CCSER1: variants seen among roughly 807,000 people sequenced by gnomAD.
CCSER1 encodes the protein serine-rich coiled-coil domain-containing protein 1.
CCSER1 carries 41 observed loss-of-function variants against 82.0 expected under a neutral mutation model. The observed-to-expected ratio is 0.50, with a 90% CI of 0.39 to 0.65. The LOEUF is 0.65. Ranked by LOEUF, CCSER1 falls within the 30% of genes least tolerant of loss-of-function variation. The probability of loss-of-function intolerance (pLI) is 0.00; values close to 1 mark genes in which losing one functional copy is unlikely to be tolerated. For missense variants in CCSER1, 1,119 were observed against 1,064.2 expected, an observed-to-expected ratio of 1.05 and a Z score of -0.72; for synonymous variants, 414 against 383.9, an observed-to-expected ratio of 1.08 and a Z score of -0.92.
intron 1 of CCSER1, among the ~76,000 whole-genome samples, chr4:90,161,091 T>TA (rs1488391661): frequency 1.3e-5 from 2 of 152,216 alleles, no homozygotes; most frequent in African/African-American, 2.4e-5. Context: ...CCTGTAATGT[T>TA]GTATCCTAAG....
intron 10 of CCSER1, among the ~76,000 whole-genome samples, chr4:91,245,972 A>C (rs1049504465): frequency 6.6e-6 from 1 of 152,224 alleles, no homozygotes; most frequent in Non-Finnish European, 1.5e-5. Flanking sequence ...TTGGGATTAC[A>C]GGTGTGAGCC....
chr4:91,282,094 T>A (rs1410924795), intron 10 of CCSER1, among the ~76,000 whole-genome samples: 3 of 152,166 alleles, frequency 2.0e-5, no homozygotes, highest in African/African-American at 7.2e-5. Context: ...CCTTAAATAA[T>A]GATAACTTTT....
chr4:91,076,766 A>G (rs1180079704), intron 9 of CCSER1, among the ~76,000 whole-genome samples: 1 of 152,220 alleles, frequency 6.6e-6, no homozygotes, highest in African/African-American at 2.4e-5. Context: ...AGAGAAGAGA[A>G]ACAAATGAGA....
intron 5 of CCSER1, among the ~76,000 whole-genome samples, chr4:90,583,703 A>G (rs1293867932): frequency 1.3e-5 from 2 of 152,128 alleles, no homozygotes; most frequent in Non-Finnish European, 2.9e-5. Flanking sequence ...TCAAACGAGA[A>G]TACCTTTTTA....
intron 7 of CCSER1, among the ~76,000 whole-genome samples, chr4:90,782,159 A>C (rs1753864265): frequency 6.6e-6 from 1 of 152,154 alleles, no homozygotes; most frequent in Admixed American, 6.5e-5. Context: ...CTGAATAGTT[A>C]ATTAGAATAC....
At chr4:90,957,519 A>T (rs796659386) in intron 9 of CCSER1, among the ~76,000 whole-genome samples, 1 of 110,614 alleles carries the variant, frequency 9.0e-6, no homozygotes, top group Non-Finnish European at 2.0e-5. Flanking sequence ...AATATAACAT[A>T]ATATCATATA....
chr4:90,905,448 T>A (rs1030575643), intron 8 of CCSER1, among the ~76,000 whole-genome samples: 4 of 151,950 alleles, frequency 2.6e-5, no homozygotes, highest in Admixed American at 1.3e-4. Context: ...CTTTATCCAG[T>A]TTTTCTTTCT....
At chr4:90,164,300 G>A (rs1186553053) in intron 1 of CCSER1, among the ~76,000 whole-genome samples, 1 of 145,898 alleles carries the variant, frequency 6.9e-6, no homozygotes, top group East Asian at 2.0e-4. Flanking sequence ...ACTGTTACTT[G>A]TCTATCGCAG....
At chr4:91,130,547 T>C (rs934289096) in intron 10 of CCSER1, among the ~76,000 whole-genome samples, 2 of 152,010 alleles carry the variant, frequency 1.3e-5, no homozygotes, top group South Asian at 2.1e-4. Context: ...CTCTCTTATA[T>C]AGCCTTTCTT....
At chr4:90,448,721 G>T (rs1277775033) in intron 4 of CCSER1, among the ~76,000 whole-genome samples, 2 of 151,726 alleles carry the variant, frequency 1.3e-5, no homozygotes, top group Non-Finnish European at 2.9e-5. Context: ...AATTATAAAT[G>T]CTCTTTACAA....
intron 10 of CCSER1, among the ~76,000 whole-genome samples, chr4:91,401,349 C>A (rs1752308780): frequency 6.8e-6 from 1 of 147,644 alleles, no homozygotes; most frequent in African/African-American, 2.5e-5. Flanking sequence ...TAATATACTA[C>A]ATTGATATAC....
intron 6 of CCSER1, among the ~76,000 whole-genome samples, chr4:90,681,871 A>AT (rs1447392088): frequency 6.6e-6 from 1 of 152,064 alleles, no homozygotes; most frequent in East Asian, 1.9e-4. Context: ...TTACATTCAT[A>AT]TTGGGTGTTT....
rs936339652 is a variant in CCSER1, at chr4:90,170,183, C to T, written c.-42+42352C>T. On this transcript the variant is annotated intron_variant, in intron 1 of 10. Transcript: ENST00000509176. ...TATTACCAGGCAAAGGTGGCCAGAA[C>T]GTCTCTTGAAGGCAGATAGTATATC... is the stretch of plus-strand genomic sequence containing the variant. Among the ~76,000 whole-genome samples the T allele has an allele frequency of 2.6e-5, 4 of 151,984 alleles. No homozygotes were observed. In the Admixed American group the frequency reaches 2.6e-4, roughly 10 times the overall value.
intron 10 of CCSER1, among the ~76,000 whole-genome samples, chr4:91,313,048 T>C (rs1057044834): frequency 1.9e-4 from 29 of 151,936 alleles, no homozygotes; most frequent in Admixed American, 1.6e-3. Context: ...CTCTTTGAGC[T>C]GATATTTGTT....
At chr4:91,000,225 GTATA>G (rs1561459626) in intron 9 of CCSER1, among the ~76,000 whole-genome samples, 153 of 3,678 alleles carry the variant, frequency 0.042, 1 homozygote, top group East Asian at 0.13. Flanking sequence ...TATAGGTATA[GTATA>G]GTATAGTATA....
intron 8 of CCSER1, among the ~76,000 whole-genome samples, chr4:90,916,671 A>T (rs1342396831): frequency 1.3e-5 from 2 of 152,238 alleles, no homozygotes; most frequent in African/African-American, 4.8e-5. Flanking sequence ...ATGGGATCTA[A>T]TTAAACTAAA....
intron 7 of CCSER1, among the ~76,000 whole-genome samples, chr4:90,813,210 T>C (rs1434651055): frequency 6.6e-6 from 1 of 152,248 alleles, no homozygotes; most frequent in Admixed American, 6.5e-5. Flanking sequence ...TAAATGTTCT[T>C]ATTCCAAATG....
At chr4:90,284,163 T>A (rs967214387) in intron 1 of CCSER1, among the ~76,000 whole-genome samples, 1 of 152,102 alleles carries the variant, frequency 6.6e-6, no homozygotes, top group Admixed American at 6.6e-5. Flanking sequence ...TATTGTATTA[T>A]TTTTCTTATT....
chr4:90,829,042 G>C (rs1760818392), intron 8 of CCSER1, among the ~76,000 whole-genome samples: 1 of 151,952 alleles, frequency 6.6e-6, no homozygotes. Context: ...AGAAATAACA[G>C]CAAGAAAATA....
Sources: allele counts gnomAD v4.1 joint callset (sites outside exome capture counted in the v4.1 genomes callset), GRCh38; gene constraint gnomAD v4.1.1; transcripts MANE v1.5; gene names NCBI Gene and HGNC (gene_info 2026-07-23, HGNC 2026-07-21).